The following PCDH15 variants were observed in gnomAD, a reference collection of about 807,000 sequenced individuals.
PCDH15 encodes the protein protocadherin related 15, also known as protocadherin-15.
Under a neutral mutation model 178.5 loss-of-function variants are expected in PCDH15, and 129 were observed. The observed-to-expected ratio is 0.72, with a 90% CI of 0.63 to 0.84. The LOEUF is 0.84. Ranked by LOEUF, PCDH15 falls within the 40% of genes least tolerant of loss-of-function variation. The pLI is 0.00. For missense variants in PCDH15, 2,230 were observed against 2,099.9 expected, an observed-to-expected ratio of 1.06 and a Z score of -1.21; for synonymous variants, 800 against 732.0, an observed-to-expected ratio of 1.09 and a Z score of -1.50.
At chr10:54,313,996 C>T (rs756593408) in intron 8 of PCDH15, among the ~76,000 whole-genome samples, 9 of 152,066 alleles carry the variant, frequency 5.9e-5, no homozygotes, top group South Asian at 2.1e-4. Flanking sequence ...TGGATTATTG[C>T]GGTTTCAATG....
intron 2 of PCDH15, among the ~76,000 whole-genome samples, chr10:55,012,495 T>C (rs1314042506): frequency 6.6e-6 from 1 of 152,120 alleles, no homozygotes; most frequent in African/African-American, 2.4e-5. Context: ...GCTTAGTAAT[T>C]CCATTTCTTC....
Position 54,447,052 on chromosome 10 carries a change from T to G in PCDH15, c.158-68110A>C, listed in dbSNP as rs529441298. 2.6e-5 allele frequency among the ~76,000 whole-genome samples: 4 copies of G among 151,684 alleles called. No homozygotes were observed. The South Asian group carries it at 8.3e-4, about 31-fold the overall frequency. On this transcript the variant is annotated intron_variant, in intron 3 of 37. Coordinates refer to ENST00000644397, the MANE Select transcript of PCDH15 (RefSeq NM_001384140.1). ...CTGGCTGCAAACAAACCTCTCTGCTTTCTCTTATTGTTAAGACATATCTGA... is the reference window on the plus strand; with the variant it reads ...CTGGCTGCAAACAAACCTCTCTGCTGTCTCTTATTGTTAAGACATATCTGA...
At chr10:54,666,604 A>G (rs1020860484) in intron 1 of PCDH15, among the ~76,000 whole-genome samples, 1 of 152,056 alleles carries the variant, frequency 6.6e-6, no homozygotes, top group Non-Finnish European at 1.5e-5. Context: ...CAAACATGAC[A>G]TTAAGAAATA....
intron 1 of PCDH15, among the ~76,000 whole-genome samples, chr10:54,665,551 A>C (rs1441388993): frequency 6.6e-6 from 1 of 151,996 alleles, no homozygotes; most frequent in Non-Finnish European, 1.5e-5. Context: ...CAAGTATTTA[A>C]TAATGTTTAT....
chr10:54,975,426 T>A (rs1209712944), intron 2 of PCDH15, among the ~76,000 whole-genome samples: 2 of 152,172 alleles, frequency 1.3e-5, no homozygotes, highest in Non-Finnish European at 2.9e-5. Flanking sequence ...TATTGATATT[T>A]CTTTCCATAT....
intron 1 of PCDH15, among the ~76,000 whole-genome samples, chr10:55,313,246 T>A (rs1843635532): frequency 6.6e-6 from 1 of 152,156 alleles, no homozygotes. Flanking sequence ...CTTAAAATAT[T>A]AAATATCACT....
intron 2 of PCDH15, among the ~76,000 whole-genome samples, chr10:55,357,746 T>C (rs1473199909): frequency 6.6e-6 from 1 of 152,050 alleles, no homozygotes; most frequent in Non-Finnish European, 1.5e-5. Context: ...TGCCAGCCTA[T>C]AGAGATTGTA....
At chr10:55,477,677 T>G (rs949418933) in intron 2 of PCDH15, among the ~76,000 whole-genome samples, 1 of 151,982 alleles carries the variant, frequency 6.6e-6, no homozygotes, top group Non-Finnish European at 1.5e-5. Context: ...TGATCTCATA[T>G]GTTAATTAGA....
At chr10:54,314,616 T>C (rs921066508) in intron 8 of PCDH15, among the ~76,000 whole-genome samples, 9 of 152,094 alleles carry the variant, frequency 5.9e-5, no homozygotes, top group African/African-American at 2.2e-4. Context: ...GGTTGTTGTA[T>C]AGATTATTGC....
chr10:55,453,898 A>C (rs1398327012), intron 2 of PCDH15, among the ~76,000 whole-genome samples: 5 of 152,202 alleles, frequency 3.3e-5, no homozygotes, highest in Non-Finnish European at 7.3e-5. Flanking sequence ...AGAATCTAAG[A>C]GTACCAAATT....
chr10:55,083,672 A>C (rs1404793429), intron 2 of PCDH15, among the ~76,000 whole-genome samples: 5 of 151,904 alleles, frequency 3.3e-5, no homozygotes, highest in Non-Finnish European at 7.4e-5. Context: ...AAACCTAAAG[A>C]CTTCATACAA....
chr10:54,253,440 G>A (rs1350727883), intron 8 of PCDH15, among the ~76,000 whole-genome samples: 1 of 151,952 alleles, frequency 6.6e-6, no homozygotes, highest in Non-Finnish European at 1.5e-5. Context: ...CGAGAATATT[G>A]AGAAATCTGT....
intron 3 of PCDH15, among the ~76,000 whole-genome samples, chr10:54,853,316 T>TATATATATATAC (rs1554806802): frequency 2.6e-5 from 3 of 115,146 alleles, no homozygotes; most frequent in African/African-American, 7.2e-5. Context: ...TATATATATA[T>TATATATATATAC]ATACATACAC....
chr10:55,371,337 C>T (rs1331779662), intron 2 of PCDH15, among the ~76,000 whole-genome samples: 2 of 151,992 alleles, frequency 1.3e-5, no homozygotes, highest in African/African-American at 2.4e-5. Flanking sequence ...ATCAGAAATT[C>T]GTGGAGGGGC....
chr10:53,809,102 A>T lies in PCDH15; in HGVS notation c.4671+1454T>A, dbSNP rs373988170. On this transcript the variant is annotated intron_variant, in intron 37 of 37. Coordinates refer to ENST00000644397, the MANE Select transcript of PCDH15 (RefSeq NM_001384140.1). ...TTTTTCCTTGCTTTTTCTCCTTCTG[A>T]CTCTGTGGATTCCGATTCTTCTGAT... 17 of 1,612,752 alleles carry T rather than the reference A, an allele frequency of 1.1e-5. No homozygotes were observed. The African/African-American group carries it at 2.3e-4, about 22-fold the overall frequency.
intron 2 of PCDH15, among the ~76,000 whole-genome samples, chr10:54,993,453 T>C (rs1005023945): frequency 5.3e-5 from 8 of 152,204 alleles, no homozygotes; most frequent in African/African-American, 1.9e-4. Flanking sequence ...TGAAACATTC[T>C]GTCGACTCTC....
At chr10:55,123,532 A>G (rs1469445688) in intron 2 of PCDH15, among the ~76,000 whole-genome samples, 2 of 152,174 alleles carry the variant, frequency 1.3e-5, no homozygotes, top group Admixed American at 6.5e-5. Context: ...CTACTCATGG[A>G]TGATTTTTAA....
intron 18 of PCDH15, among the ~76,000 whole-genome samples, chr10:54,027,863 T>C (rs1161868272): frequency 4.1e-5 from 6 of 145,688 alleles, no homozygotes; most frequent in Non-Finnish European, 7.5e-5. Context: ...GGCATTACCA[T>C]TCAGGACATA....
intron 13 of PCDH15, among the ~76,000 whole-genome samples, chr10:54,176,317 CAT>C (rs1360469680): frequency 6.6e-6 from 1 of 152,082 alleles, no homozygotes; most frequent in Non-Finnish European, 1.5e-5. Flanking sequence ...CACAATAAAA[CAT>C]GTGGGAGATA....
Sources: allele counts gnomAD v4.1 joint callset (sites outside exome capture counted in the v4.1 genomes callset), GRCh38; gene constraint gnomAD v4.1.1; transcripts MANE v1.5; gene names NCBI Gene and HGNC (gene_info 2026-07-23, HGNC 2026-07-21).